Variants in SERPINI1 observed in about 807,000 individuals in gnomAD.
SERPINI1 encodes neuroserpin.
In SERPINI1, 19 loss-of-function variants were observed where a neutral mutation model predicts 41.1. The ratio of observed to expected loss-of-function variants is 0.46; its 90% CI spans 0.32 to 0.68. SERPINI1 has a LOEUF of 0.68. SERPINI1 is among the 30% of genes least tolerant of loss of function. SERPINI1 has a pLI of 0.03. For synonymous variants in SERPINI1, 138 were observed against 156.6 expected (o/e 0.88, Z 0.89); for missense variants, 460 against 479.2 (o/e 0.96, Z 0.37).
In SERPINI1 at chr3:167,789,323, A is replaced by G. The variant is rs1188393355; in HGVS notation, c.195A>G (p.Gln65=). The part of the protein sequence containing the change: ...LAMGMMELGA[Q]GSTQKEIRHS... ...TGGGAATGATGGAACTTGGGGCCCA[A>G]GGATCTACCCAGAAAGAAATCCGCC... The change falls in exon 2 of 9, where the codon CAA becomes CAG. Residue 65 remains glutamine, a synonymous_variant. Transcript: ENST00000446050. 1.2e-6 allele frequency: 2 copies of G among 1,614,068 alleles called. No homozygotes were observed. The highest frequency in any genetic ancestry group is 1.3e-5 in the African/African-American group (1 of 74,942).
chr3:167,808,433 A>G (rs1297858028), intron 6 of SERPINI1, among the ~76,000 whole-genome samples: 1 of 152,158 alleles, frequency 6.6e-6, no homozygotes, highest in Non-Finnish European at 1.5e-5. Flanking sequence ...AATAAGTTAT[A>G]TAAGGATTAT....
intron 6 of SERPINI1, among the ~76,000 whole-genome samples, chr3:167,822,550 A>G (rs975681284): frequency 5.9e-5 from 9 of 152,274 alleles, no homozygotes; most frequent in African/African-American, 2.2e-4. Context: ...TATTTACATT[A>G]TCATAGTAAT....
intron 4 of SERPINI1, 38 bp downstream of exon 4, chr3:167,792,822 G>C: frequency 6.7e-7 from 1 of 1,490,870 alleles, no homozygotes; most frequent in Non-Finnish European, 9.3e-7. Context: ...TCTTCTTGCA[G>C]AATATCAACA....
chr3:167,814,302 A>C (rs1169797924), intron 6 of SERPINI1, among the ~76,000 whole-genome samples: 2 of 152,192 alleles, frequency 1.3e-5, no homozygotes, highest in Non-Finnish European at 2.9e-5. Context: ...TGAATGAATG[A>C]ATGAATGAAC....
chr3:167,824,961 T>C (rs1712464487), intron 8 of SERPINI1, among the ~76,000 whole-genome samples: 1 of 151,962 alleles, frequency 6.6e-6, no homozygotes. Context: ...GTGGAAGGAA[T>C]GCTTGAGCTC....
intron 1 of SERPINI1, among the ~76,000 whole-genome samples, chr3:167,744,812 T>C (rs527625829): frequency 7.2e-5 from 9 of 124,322 alleles, no homozygotes; most frequent in African/African-American, 2.1e-4. Flanking sequence ...AATATATAAA[T>C]ATAGTTATAT....
chr3:167,744,115 A>G (rs979677945), intron 1 of SERPINI1, among the ~76,000 whole-genome samples: 2 of 152,116 alleles, frequency 1.3e-5, no homozygotes, highest in Non-Finnish European at 2.9e-5. Context: ...TAAGAATGTC[A>G]GCTCTACAGT....
At chr3:167,801,262 C>G (rs1227649336) in intron 5 of SERPINI1, among the ~76,000 whole-genome samples, 2 of 152,214 alleles carry the variant, frequency 1.3e-5, no homozygotes, top group South Asian at 4.1e-4. Flanking sequence ...GTCTTCAAAC[C>G]TCTACCCTCC....
At chr3:167,794,506 T>G in intron 4 of SERPINI1, 114 bp from the exon 5 acceptor site, 1 of 733,204 alleles carries the variant, frequency 1.4e-6, no homozygotes, top group Non-Finnish European at 2.2e-6. Context: ...GAGATTTTGT[T>G]GCACAAGTAC....
intron 1 of SERPINI1, among the ~76,000 whole-genome samples, chr3:167,755,393 A>G (rs193151236): frequency 3.7e-4 from 56 of 152,340 alleles, no homozygotes; most frequent in Middle Eastern, 3.4e-3. Context: ...TAGATTCAAT[A>G]TTTTAAAAGG....
chr3:167,797,336 C>T (rs1427682010), intron 5 of SERPINI1, among the ~76,000 whole-genome samples: 4 of 152,134 alleles, frequency 2.6e-5, no homozygotes, highest in Non-Finnish European at 5.9e-5. Context: ...TGCGCAGAAG[C>T]TCTTTAATTT....
rs1226623862 is a variant in SERPINI1 at position 167,796,293 on chromosome 3, C to T, written c.881+1469C>T. Among the ~76,000 whole-genome samples the T allele has an allele frequency of 2.6e-5, 4 of 151,596 alleles. No individual in the cohort carries two copies. In the South Asian group the frequency reaches 6.2e-4, roughly 24 times the overall value. On this transcript the variant is annotated intron_variant, in intron 5 of 8. Coordinates refer to ENST00000446050, the MANE Select transcript of SERPINI1 (RefSeq NM_001122752.2). ...TGTCATAATTTATTATATAGCATGTCATGTTATATATTCATAATATATAAC... is the reference window on the plus strand; with the variant it reads ...TGTCATAATTTATTATATAGCATGTTATGTTATATATTCATAATATATAAC...
intron 1 of SERPINI1, among the ~76,000 whole-genome samples, chr3:167,783,430 C>T (rs1727206875): frequency 6.6e-6 from 1 of 152,090 alleles, no homozygotes; most frequent in Non-Finnish European, 1.5e-5. Context: ...GAATAAATAT[C>T]CCAAGAACAA....
intron 1 of SERPINI1, among the ~76,000 whole-genome samples, chr3:167,770,833 C>T (rs891155567): frequency 1.3e-5 from 2 of 152,198 alleles, no homozygotes; most frequent in East Asian, 1.9e-4. Flanking sequence ...CCAGCTCTCA[C>T]TAACCTTTAT....
At chr3:167,760,561 TTGTGTGTGTG>T (rs57003321) in intron 1 of SERPINI1, among the ~76,000 whole-genome samples, 3,825 of 140,662 alleles carry the variant, frequency 0.027, 85 homozygotes, top group African/African-American at 0.031. Context: ...TGGCTCCAAA[TTGTGTGTGTG>T]TGTGTGTGTG....
At chr3:167,781,634 C>CTTTTTTTT (rs757785091) in intron 1 of SERPINI1, among the ~76,000 whole-genome samples, 7 of 81,750 alleles carry the variant, frequency 8.6e-5, no homozygotes, top group Admixed American at 1.3e-4. Context: ...TTCTTTTGGC[C>CTTTTTTTT]TTTTTTTTTT....
intron 1 of SERPINI1, among the ~76,000 whole-genome samples, chr3:167,771,472 A>G (rs9875533): frequency 0.28 from 42,621 of 152,146 alleles, 6,279 homozygotes; most frequent in Non-Finnish European, 0.31. Flanking sequence ...CATATACTGT[A>G]TATACATAAG....
intron 6 of SERPINI1, among the ~76,000 whole-genome samples, chr3:167,813,086 G>A (rs749732962): frequency 1.2e-4 from 18 of 152,154 alleles, no homozygotes; most frequent in African/African-American, 2.4e-5. Flanking sequence ...CCATATTCAG[G>A]TCAGACTCAA....
chr3:167,799,557 C>A (rs977254535), intron 5 of SERPINI1, among the ~76,000 whole-genome samples: 1 of 152,124 alleles, frequency 6.6e-6, no homozygotes, highest in Non-Finnish European at 1.5e-5. Context: ...GGTATATACC[C>A]AGTAATGGGA....
Sources: gnomAD v4.1 joint callset for allele counts (sites outside exome capture counted in the v4.1 genomes callset) on GRCh38, gnomAD v4.1.1 for gene constraint, MANE v1.5 for transcripts, NCBI Gene and HGNC (gene_info 2026-07-23, HGNC 2026-07-21) for gene names.